Variants in LTBP1 observed in about 807,000 individuals in gnomAD.
LTBP1 encodes latent transforming growth factor beta binding protein 1.
Under a neutral mutation model 207.6 loss-of-function variants are expected in LTBP1, and 129 were observed. The observed-to-expected ratio is 0.62, with a 90% confidence interval of 0.54 to 0.72. LTBP1 has a LOEUF of 0.72. Ranked by LOEUF, LTBP1 falls within the 30% of genes least tolerant of loss-of-function variation. The pLI, the probability that LTBP1 is intolerant of heterozygous loss-of-function variation, is 0.00. For synonymous variants in LTBP1, 963 were observed against 833.7 expected (o/e 1.16, Z -2.67); for missense variants, 2,281 against 2,217.2 (o/e 1.03, Z -0.58).
rs116716568 is a variant in LTBP1, at chr2:32,971,898, G to A, written c.565+22953G>A. On this transcript the variant is annotated intron_variant, in intron 2 of 33. Transcript: ENST00000404816. ...GGTACAACCTCTTCTTTATATGTCTGGTAGAATTTGGCTGTGAATCTTTCT... is the reference window on the plus strand; with the variant it reads ...GGTACAACCTCTTCTTTATATGTCTAGTAGAATTTGGCTGTGAATCTTTCT... Among the ~76,000 whole-genome samples, 1,281 of 152,174 alleles carry A rather than the reference G, an allele frequency of 8.4e-3. 16 individuals carry two copies. Among genetic ancestry groups the A allele is most frequent in the African/African-American group, 0.028 (1,181 of 41,496 alleles).
At chr2:33,238,000 G>A (rs1322778403) in intron 9 of LTBP1, among the ~76,000 whole-genome samples, 3 of 152,018 alleles carry the variant, frequency 2.0e-5, no homozygotes, top group Non-Finnish European at 4.4e-5. Context: ...ATGTTCCTTC[G>A]TGGTATGTCT....
chr2:33,061,947 C>T (rs1163438610), intron 3 of LTBP1, among the ~76,000 whole-genome samples: 3 of 152,144 alleles, frequency 2.0e-5, no homozygotes, highest in Non-Finnish European at 4.4e-5. Context: ...GTTCTGGTTG[C>T]ACCACATCTG....
At chr2:33,150,710 CTTTTTTTTTTTTTT>C (rs1176008947) in intron 5 of LTBP1, among the ~76,000 whole-genome samples, 6 of 69,278 alleles carry the variant, frequency 8.7e-5, no homozygotes, top group Non-Finnish European at 1.5e-4. Context: ...TTTTCTTTTT[CTTTTTTTTTTTTTT>C]TTTTTTTTTT....
chr2:32,955,657 G>A (rs1452695363), intron 2 of LTBP1, among the ~76,000 whole-genome samples: 2 of 151,898 alleles, frequency 1.3e-5, no homozygotes, highest in African/African-American at 4.8e-5. Context: ...AATTTTTAAA[G>A]TACACACAAA....
At chr2:33,060,357 A>C (rs1170033361) in intron 3 of LTBP1, among the ~76,000 whole-genome samples, 4 of 152,132 alleles carry the variant, frequency 2.6e-5, no homozygotes, top group Non-Finnish European at 5.9e-5. Context: ...ACACACAGAT[A>C]ATTGACGTAT....
chr2:33,066,872 T>G (rs2077533765), intron 3 of LTBP1, among the ~76,000 whole-genome samples: 1 of 152,156 alleles, frequency 6.6e-6, no homozygotes, highest in East Asian at 1.9e-4. Flanking sequence ...GCTGAAGAAA[T>G]GTGTTCAGAG....
chr2:33,151,156 A>G (rs1274750624), intron 5 of LTBP1, among the ~76,000 whole-genome samples: 3 of 152,154 alleles, frequency 2.0e-5, no homozygotes, highest in South Asian at 2.1e-4. Context: ...CTGTCGATGT[A>G]TATATTTAGG....
Position 33,342,937 on chromosome 2 carries a change from C to T in LTBP1, c.3830C>T (p.Ala1277Val), listed in dbSNP as rs924345606. The T allele has an allele frequency of 6.2e-7, 1 of 1,613,810 alleles. No individual in the cohort carries two copies. The highest frequency in any genetic ancestry group is 1.3e-5 in the African/African-American group (1 of 74,936). Residue 1277 changes from alanine to valine, a missense_variant, in exon 25 of 34, where the codon GCC becomes GTC. Physicochemically the swap from Ala to Val is moderately conservative, Grantham distance 64. This residue lies in a region of LTBP1 where 1,671 missense variants were observed against 1,634.8 expected (regional missense o/e 1.02). Coordinates refer to ENST00000404816, the MANE Select transcript of LTBP1 (RefSeq NM_206943.4). Reference sequence around the variant, plus strand: ...TGCCTCTGTTATCAGGGCTTTCAAGCCCCACAGGATGGGCAAGGGTGTGTG... The same window carrying T: ...TGCCTCTGTTATCAGGGCTTTCAAGTCCCACAGGATGGGCAAGGGTGTGTG... Reference protein sequence around the residue: ...FRCLCYQGFQAPQDGQGCVDV... With the variant: ...FRCLCYQGFQVPQDGQGCVDV...
chr2:33,210,564 C>T (rs1370632153), intron 7 of LTBP1, among the ~76,000 whole-genome samples: 2 of 151,986 alleles, frequency 1.3e-5, no homozygotes, highest in East Asian at 3.8e-4. Context: ...AACTTTTTTG[C>T]TTTGAGAAAA....
intron 3 of LTBP1, among the ~76,000 whole-genome samples, chr2:33,086,874 T>C (rs2078783947): frequency 2.0e-5 from 3 of 151,844 alleles, no homozygotes; most frequent in African/African-American, 7.2e-5. Context: ...ATTGTCTTTT[T>C]ATTTATATAT....
At chr2:33,070,998 G>A (rs530211104) in intron 3 of LTBP1, among the ~76,000 whole-genome samples, 1 of 152,344 alleles carries the variant, frequency 6.6e-6, no homozygotes, top group African/African-American at 2.4e-5. Flanking sequence ...AGAAACACCT[G>A]TGGACTTTTT....
intron 31 of LTBP1, among the ~76,000 whole-genome samples, chr2:33,378,185 A>ATATATG (rs1331153833): frequency 7.6e-6 from 1 of 131,930 alleles, no homozygotes; most frequent in African/African-American, 2.8e-5. Flanking sequence ...ATATATATAT[A>ATATATG]TGTGTGTGTG....
intron 3 of LTBP1, among the ~76,000 whole-genome samples, chr2:33,022,198 G>T (rs1191495234): frequency 6.6e-6 from 1 of 150,488 alleles, no homozygotes; most frequent in African/African-American, 2.4e-5. Context: ...CTTCCCCTTC[G>T]AATAGACCAC....
intron 3 of LTBP1, among the ~76,000 whole-genome samples, chr2:33,045,754 G>GT (rs1006910520): frequency 9.2e-5 from 14 of 152,220 alleles, no homozygotes; most frequent in Non-Finnish European, 1.9e-4. Flanking sequence ...AGCATGGAAT[G>GT]TTTTTTCCAT....
intron 3 of LTBP1, among the ~76,000 whole-genome samples, chr2:33,053,502 G>A (rs1414959920): frequency 1.3e-5 from 2 of 151,984 alleles, no homozygotes; most frequent in African/African-American, 4.8e-5. Context: ...CGCAGCCCTC[G>A]CTCGCTCTCG....
chr2:33,261,305 A>G (rs1344060391), intron 13 of LTBP1, among the ~76,000 whole-genome samples: 2 of 152,200 alleles, frequency 1.3e-5, no homozygotes, highest in Non-Finnish European at 2.9e-5. Context: ...CCTTGTTGGC[A>G]TTGGCCATGG....
At chr2:32,973,585 TACAA>T (rs1681258985) in intron 2 of LTBP1, among the ~76,000 whole-genome samples, 1 of 152,306 alleles carries the variant, frequency 6.6e-6, no homozygotes, top group African/African-American at 2.4e-5. Flanking sequence ...TTATCTGCGT[TACAA>T]ACAATCTTAA....
intron 3 of LTBP1, among the ~76,000 whole-genome samples, chr2:33,069,568 G>A (rs2077685391): frequency 6.6e-6 from 1 of 152,204 alleles, no homozygotes; most frequent in Non-Finnish European, 1.5e-5. Flanking sequence ...AACCCTTGGT[G>A]TGTGTGCAGC....
chr2:33,328,045 G>C (rs558480007), intron 24 of LTBP1, among the ~76,000 whole-genome samples: 2 of 151,936 alleles, frequency 1.3e-5, no homozygotes, highest in East Asian at 3.9e-4. Flanking sequence ...TGAGGCAGGA[G>C]AATTGCTTGA....
Sources: allele counts gnomAD v4.1 joint callset (sites outside exome capture counted in the v4.1 genomes callset), GRCh38; gene constraint gnomAD v4.1.1; regional missense constraint gnomAD v4.1.1; transcripts MANE v1.5; gene names NCBI Gene and HGNC (gene_info 2026-07-23, HGNC 2026-07-21).